SYN2: variants seen among roughly 807,000 people sequenced by gnomAD.
SYN2 encodes synapsin II.
SYN2 carries 19 observed loss-of-function variants against 50.9 expected under a neutral mutation model. The ratio of observed to expected loss-of-function variants is 0.37; its 90% confidence interval spans 0.26 to 0.55. The LOEUF is 0.55. Among genes scored for constraint, SYN2 ranks in the 20% least tolerant of loss-of-function variants. SYN2 has a pLI of 0.81. For missense variants in SYN2, 587 were observed against 576.4 expected (o/e 1.02, Z -0.19); for synonymous variants, 255 against 224.9 (o/e 1.13, Z -1.20).
intron 1 of SYN2, among the ~76,000 whole-genome samples, chr3:12,017,206 A>G (rs1235758950): frequency 2.0e-5 from 3 of 152,190 alleles, no homozygotes; most frequent in East Asian, 1.9e-4. Context: ...GTTTCAAGGC[A>G]GGGAAAAGAG....
At chr3:12,117,376 G>T (rs1012194067) in intron 1 of SYN2, among the ~76,000 whole-genome samples, 2 of 152,086 alleles carry the variant, frequency 1.3e-5, no homozygotes, top group Non-Finnish European at 2.9e-5. Context: ...TAGGTACTTG[G>T]GATTCAATGT....
intron 4 of SYN2, chr3:12,148,577 T>G (rs1697206995): frequency 6.6e-6 from 1 of 152,218 alleles, no homozygotes; most frequent in Non-Finnish European, 1.5e-5. Flanking sequence ...CTGAAGTTGG[T>G]CAGGGCAAGC....
intron 10 of SYN2, among the ~76,000 whole-genome samples, chr3:12,170,791 C>G (rs1234585825): frequency 2.0e-5 from 3 of 152,164 alleles, no homozygotes; most frequent in Non-Finnish European, 4.4e-5. Flanking sequence ...GGCTATCTTT[C>G]CATCAAAATC....
chr3:12,068,461 A>G (rs1695269313), intron 1 of SYN2, among the ~76,000 whole-genome samples: 1 of 152,120 alleles, frequency 6.6e-6, no homozygotes, highest in Non-Finnish European at 1.5e-5. Context: ...ATGATGGTGA[A>G]TCTTGGTGAG....
At chr3:12,163,411 C>T (rs1308638711) in intron 7 of SYN2, among the ~76,000 whole-genome samples, 1 of 151,750 alleles carries the variant, frequency 6.6e-6, no homozygotes, top group African/African-American at 2.4e-5. Flanking sequence ...TCTCTTACCC[C>T]CCCTTTTCAC....
Position 12,154,401 on chromosome 3 carries a change from C to T in SYN2, c.774+3075C>T, listed in dbSNP as rs748777885. ...ACCAAGGACAGGTCCTCCCAGGGCT[C>T]GATGTAGTTGCACAGATGGATGAAG... On this transcript the variant is annotated intron_variant, in intron 5 of 12. Transcript: ENST00000621198. 2.3e-5 allele frequency: 37 copies of T among 1,614,144 alleles called. No homozygotes were observed. In the East Asian group the frequency reaches 2.9e-4, roughly 13 times the overall value.
At chr3:12,189,970 G>A (rs952336877) in intron 12 of SYN2, among the ~76,000 whole-genome samples, 2 of 152,194 alleles carry the variant, frequency 1.3e-5, no homozygotes, top group African/African-American at 4.8e-5. Context: ...CCCAAAGAGA[G>A]GCACGTGGCT....
At chr3:12,150,301 A>G (rs927181913) in intron 4 of SYN2, among the ~76,000 whole-genome samples, 1 of 152,108 alleles carries the variant, frequency 6.6e-6, no homozygotes, top group Non-Finnish European at 1.5e-5. Flanking sequence ...TGTGTATGTG[A>G]CTGGATTGAG....
intron 1 of SYN2, among the ~76,000 whole-genome samples, chr3:12,057,784 A>G (rs1205653788): frequency 6.6e-6 from 1 of 152,216 alleles, no homozygotes. Context: ...GGAAGATTTT[A>G]TGAAAAAATA....
intron 1 of SYN2, among the ~76,000 whole-genome samples, chr3:12,135,911 C>G (rs1189434417): frequency 6.6e-6 from 1 of 152,108 alleles, no homozygotes. Context: ...AGGCCTAGAG[C>G]ATATAATCAA....
At chr3:12,057,010 G>A (rs1012468973) in intron 1 of SYN2, among the ~76,000 whole-genome samples, 2 of 152,192 alleles carry the variant, frequency 1.3e-5, no homozygotes, top group African/African-American at 4.8e-5. Flanking sequence ...TGACATCTGG[G>A]CCAGGTGTGG....
At position 12,013,400 on chromosome 3, in the gene SYN2, A is replaced by G. The variant is rs945019836; in HGVS notation, c.377+8472A>G. ...CTGCCCACTTCTTTTTTTATACTGC[A>G]TATTCTCCCTGGTCCATCTACTCTC... On this transcript the variant is annotated intron_variant, in intron 1 of 12. Transcript: ENST00000621198. Among the ~76,000 whole-genome samples the G allele has an allele frequency of 3.3e-5, 5 of 151,942 alleles. No individual in the cohort carries two copies. In the East Asian group the frequency reaches 7.7e-4, roughly 23 times the overall value.
At chr3:12,146,356 T>G (rs752721246) in intron 4 of SYN2, among the ~76,000 whole-genome samples, 2 of 152,196 alleles carry the variant, frequency 1.3e-5, no homozygotes, top group South Asian at 2.1e-4. Context: ...CAAATACTTA[T>G]GAGCTAGAAG....
chr3:12,069,644 CTG>C (rs944276367), intron 1 of SYN2, among the ~76,000 whole-genome samples: 1 of 152,114 alleles, frequency 6.6e-6, no homozygotes. Context: ...AACTGCCAAA[CTG>C]TATTTCCAAG....
At chr3:12,074,553 C>T (rs995380265) in intron 1 of SYN2, among the ~76,000 whole-genome samples, 1 of 152,132 alleles carries the variant, frequency 6.6e-6, no homozygotes, top group Non-Finnish European at 1.5e-5. Flanking sequence ...TTATTCTTCT[C>T]CAAAACAACT....
intron 1 of SYN2, among the ~76,000 whole-genome samples, chr3:12,013,584 C>T (rs376220960): frequency 6.6e-6 from 1 of 152,024 alleles, no homozygotes; most frequent in Non-Finnish European, 1.5e-5. Context: ...CATGTTTTTC[C>T]TTCCTATTCC....
chr3:12,071,760 T>G (rs1357007954), intron 1 of SYN2: 1 of 158,594 alleles, frequency 6.3e-6, no homozygotes, highest in East Asian at 1.9e-4. Flanking sequence ...GGAATTTCTC[T>G]AGAGGCTGGT....
At chr3:12,045,236 TCAG>T (rs551380588) in intron 1 of SYN2, among the ~76,000 whole-genome samples, 80 of 152,202 alleles carry the variant, frequency 5.3e-4, no homozygotes, top group Non-Finnish European at 1.0e-3. Context: ...TTTTTAAACT[TCAG>T]CAACTGCTTA....
intron 1 of SYN2, among the ~76,000 whole-genome samples, chr3:12,036,271 G>A (rs1172512859): frequency 2.6e-5 from 4 of 152,246 alleles, no homozygotes; most frequent in East Asian, 1.9e-4. Context: ...GAGGGGTGCG[G>A]CACACTAGCT....
Sources: allele counts gnomAD v4.1 joint callset (sites outside exome capture counted in the v4.1 genomes callset), GRCh38; gene constraint gnomAD v4.1.1; transcripts MANE v1.5; gene names NCBI Gene and HGNC (gene_info 2026-07-23, HGNC 2026-07-21).